Variants in TSGA10 observed in about 807,000 individuals in gnomAD.
TSGA10 encodes testis specific 10, also known as testis-specific gene 10 protein.
In TSGA10, 43 loss-of-function variants were observed where a neutral mutation model predicts 96.6. The observed-to-expected ratio is 0.44, with a 90% CI of 0.35 to 0.57. TSGA10 has a LOEUF of 0.57. Among genes scored for constraint, TSGA10 ranks in the 20% least tolerant of loss-of-function variants. TSGA10 has a pLI of 0.01. For synonymous variants in TSGA10, 229 were observed against 269.9 expected (o/e 0.85, Z 1.48); for missense variants, 703 against 834.4 (o/e 0.84, Z 1.94).
intron 16 of TSGA10, among the ~76,000 whole-genome samples, chr2:99,057,458 T>C (rs193097498): frequency 6.9e-4 from 105 of 152,224 alleles, no homozygotes; most frequent in African/African-American, 2.5e-3. Context: ...ACACTTGCGA[T>C]GGAGAATCTG....
intron 1 of TSGA10, among the ~76,000 whole-genome samples, chr2:99,145,990 T>C (rs1375076942): frequency 6.6e-6 from 1 of 151,884 alleles, no homozygotes; most frequent in African/African-American, 2.4e-5. Context: ...ATTTTAAAAA[T>C]TAGCCAGATG....
At chr2:99,149,169 CAAAA>C (rs35343264) in intron 1 of TSGA10, among the ~76,000 whole-genome samples, 1 of 123,250 alleles carries the variant, frequency 8.1e-6, no homozygotes, top group African/African-American at 3.3e-5. Context: ...AACTCCATCT[CAAAA>C]AAAAAAAAAA....
intron 20 of TSGA10, among the ~76,000 whole-genome samples, chr2:99,010,563 A>G (rs1245408600): frequency 2.0e-5 from 3 of 152,254 alleles, no homozygotes; most frequent in East Asian, 3.8e-4. Context: ...TAGAAGTAGC[A>G]GCAGGAAGTG....
At chr2:99,027,915 C>T (rs184382169) in intron 17 of TSGA10, among the ~76,000 whole-genome samples, 21 of 152,308 alleles carry the variant, frequency 1.4e-4, no homozygotes, top group African/African-American at 4.6e-4. Context: ...TACTGATCCT[C>T]CCCATCTTGG....
chr2:99,065,038 C>T lies in TSGA10; in HGVS notation c.1305G>A (p.Glu435=). Residue 435 remains glutamate (E), a synonymous_variant, in exon 16 of 21, where the codon GAG becomes GAA. Transcript: ENST00000393483. ...CCAGTTTGAGGGTATTGTTATCTGC[C>T]TCTGATTGACGGGCTTTATTTTCCC... ...ENWENKARQS[E]ADNNTLKLEL... The T allele has an allele frequency of 1.2e-6, 2 of 1,613,894 alleles. No homozygotes were observed. Among genetic ancestry groups the T allele is most frequent in the South Asian group, 1.1e-5 (1 of 91,032 alleles).
rs150889885 is a variant in TSGA10 at position 99,121,807 on chromosome 2, C to T, written c.-491-3121G>A. Among the ~76,000 whole-genome samples the T allele has an allele frequency of 5.5e-3, 830 of 152,224 alleles. 41 individuals are homozygous for T. The highest frequency in any genetic ancestry group is 0.051 in the Admixed American group (773 of 15,268). The stretch of plus-strand genomic sequence containing the variant: ...ATTAAGTCCATATTACCAATTTTTC[C>T]TTTTATGAGTCATGCTTTTGGTATC... On this transcript the variant is annotated intron_variant, in intron 2 of 20. Coordinates refer to ENST00000393483, the MANE Select transcript of TSGA10 (RefSeq NM_025244.4).
In TSGA10 at chr2:99,131,015, C is replaced by T. The variant is rs1052067723; in HGVS notation, c.-620-3839G>A. Among the ~76,000 whole-genome samples, 49 of 152,184 alleles carry T rather than the reference C, an allele frequency of 3.2e-4. No homozygotes were observed. In the East Asian group the frequency reaches 6.4e-3, roughly 20 times the overall value. On this transcript the variant is annotated intron_variant, in intron 1 of 20. Transcript: ENST00000393483. ...GTATATATCTGTTTTGGTACCAGTA[C>T]CATGCTGTTTTGATTACTGTAGCCT...
At chr2:99,146,723 G>A (rs1357292892) in intron 1 of TSGA10, among the ~76,000 whole-genome samples, 1 of 152,060 alleles carries the variant, frequency 6.6e-6, no homozygotes, top group Non-Finnish European at 1.5e-5. Flanking sequence ...CCACCCCCTG[G>A]GTTCAAGCGA....
intron 7 of TSGA10, among the ~76,000 whole-genome samples, chr2:99,106,685 A>C (rs2091381401): frequency 6.6e-6 from 1 of 151,046 alleles, no homozygotes. Context: ...ACCAAATATA[A>C]TGGTCTTTTC....
At chr2:99,088,617 G>A (rs938508242) in intron 10 of TSGA10, among the ~76,000 whole-genome samples, 8 of 152,100 alleles carry the variant, frequency 5.3e-5, no homozygotes, top group African/African-American at 1.2e-4. Context: ...ACACAATCAC[G>A]TGGAAAACTG....
chr2:99,130,895 C>T (rs1383861257), intron 1 of TSGA10, among the ~76,000 whole-genome samples: 1 of 152,114 alleles, frequency 6.6e-6, no homozygotes, highest in African/African-American at 2.4e-5. Flanking sequence ...TTCCCCATTG[C>T]TTGTTTTTGT....
intron 17 of TSGA10, among the ~76,000 whole-genome samples, chr2:99,027,609 T>C (rs1558768483): frequency 6.6e-6 from 1 of 152,180 alleles, no homozygotes; most frequent in Non-Finnish European, 1.5e-5. Context: ...CTGTCTGCCA[T>C]ACATACATCA....
intron 14 of TSGA10, 28 bp downstream of exon 14, chr2:99,071,678 G>A (rs759431761): frequency 1.1e-5 from 17 of 1,576,142 alleles, no homozygotes; most frequent in Non-Finnish European, 1.4e-5. Context: ...TTTTTTCTTG[G>A]AGAAAATGAT....
chr2:99,081,389 T>C lies in TSGA10; in HGVS notation c.620A>G (p.Tyr207Cys). The C allele has an allele frequency of 6.5e-7, 1 of 1,548,690 alleles. No homozygotes were observed. Among genetic ancestry groups the C allele is most frequent in the Non-Finnish European group, 8.7e-7 (1 of 1,146,024 alleles). ...KAENNSLRLL[Y>C]ENTEKDLSDT... Reference sequence around the variant, plus strand: ...AGAAAGATCTTTTTCTGTGTTTTCATACAAAAGTCTGCAAATATTTTAATA... The same window carrying C: ...AGAAAGATCTTTTTCTGTGTTTTCACACAAAAGTCTGCAAATATTTTAATA... The change falls in exon 11 of 21, where the codon TAT (tyrosine) becomes TGT (cysteine). Residue 207 changes from tyrosine to cysteine, a missense_variant. Tyr to Cys is a radical substitution (Grantham distance 194). This residue lies in a region of TSGA10 where 585 missense variants were observed against 656.8 expected (regional missense o/e 0.89). Coordinates refer to ENST00000393483, the MANE Select transcript of TSGA10 (RefSeq NM_025244.4).
intron 14 of TSGA10, among the ~76,000 whole-genome samples, chr2:99,069,758 G>A (rs2085704749): frequency 6.6e-6 from 1 of 151,964 alleles, no homozygotes; most frequent in South Asian, 2.1e-4. Flanking sequence ...TTGTTACAGT[G>A]ACAATATTTA....
intron 16 of TSGA10, among the ~76,000 whole-genome samples, chr2:99,063,804 C>CA (rs1242772606): frequency 6.6e-6 from 1 of 150,814 alleles, no homozygotes; most frequent in African/African-American, 2.4e-5. Flanking sequence ...GACTCCATCT[C>CA]AAAAAAATAT....
chr2:99,022,324 C>CAAA (rs56381088), intron 17 of TSGA10, among the ~76,000 whole-genome samples: 11 of 43,902 alleles, frequency 2.5e-4, no homozygotes, highest in Admixed American at 6.1e-4. Context: ...GACCCTGTCT[C>CAAA]AAAAAAAAAA....
At chr2:99,010,262 G>A (rs973753457) in intron 20 of TSGA10, among the ~76,000 whole-genome samples, 1 of 152,146 alleles carries the variant, frequency 6.6e-6, no homozygotes, top group African/African-American at 2.4e-5. Context: ...GCTCCCACAT[G>A]GAAGGACAGA....
intron 20 of TSGA10, among the ~76,000 whole-genome samples, chr2:99,011,769 T>A (rs1252487482): frequency 2.0e-5 from 3 of 151,958 alleles, no homozygotes; most frequent in Non-Finnish European, 2.9e-5. Context: ...TGGGGTAAAA[T>A]TTTTTAAATA....
Sources: allele counts gnomAD v4.1 joint callset (sites outside exome capture counted in the v4.1 genomes callset), GRCh38; gene constraint gnomAD v4.1.1; regional missense constraint gnomAD v4.1.1; transcripts MANE v1.5; gene names NCBI Gene and HGNC (gene_info 2026-07-23, HGNC 2026-07-21).